The following PCDHA2 variants were observed in gnomAD, a reference collection of about 807,000 sequenced individuals.
PCDHA2 encodes protocadherin alpha-2.
PCDHA2 carries 58 observed loss-of-function variants against 66.0 expected under a neutral mutation model. The observed-to-expected ratio is 0.88, with a 90% CI of 0.71 to 1.09. The LOEUF (loss-of-function observed/expected upper bound fraction) is 1.09. PCDHA2 is among the 50% of genes least tolerant of loss of function. The pLI, the probability that PCDHA2 is intolerant of heterozygous loss-of-function variation, is 0.00. For missense variants in PCDHA2, 1,267 were observed against 1,242.3 expected, an observed-to-expected ratio of 1.02 and a Z score of -0.30; for synonymous variants, 634 against 554.0, an observed-to-expected ratio of 1.14 and a Z score of -2.03.
At chr5:140,884,471 G>A (rs2060197778) in intron 1 of PCDHA2, 1 of 1,613,802 alleles carries the variant, frequency 6.2e-7, no homozygotes, top group Non-Finnish European at 8.5e-7. Flanking sequence ...GTGCGCGCCG[G>A]GCAAGCCCAC....
chr5:140,933,276 G>T (rs1392004837), intron 1 of PCDHA2, among the ~76,000 whole-genome samples: 2 of 151,892 alleles, frequency 1.3e-5, no homozygotes, highest in Non-Finnish European at 2.9e-5. Context: ...TATTCATTTG[G>T]AACTTGTTTT....
In PCDHA2 at chr5:140,797,216, C is replaced by A. The variant is rs1554120342; in HGVS notation, c.2252C>A (p.Ser751Ter). The change falls in exon 1 of 4, where the codon TCG becomes TAG. Residue 751 changes from serine (S) to a stop codon, truncating the protein, a stop_gained. Coordinates refer to ENST00000526136, the MANE Select transcript of PCDHA2 (RefSeq NM_018905.3). LOFTEE classifies it high-confidence loss of function. ...CSSAVGSWSY[S>*]QQRRQRVCSG... The stretch of plus-strand genomic sequence containing the variant: ...AGCGCCGTGGGGAGCTGGTCTTACT[C>A]GCAGCAGAGGCGGCAGAGGGTGTGC... 6.2e-7 allele frequency: 1 copy of A among 1,614,202 alleles called. No individual in the cohort carries two copies. The highest frequency in any genetic ancestry group is 1.7e-5 in the Admixed American group (1 of 60,034).
At chr5:140,983,807 G>A (rs1158459034) in intron 3 of PCDHA2, among the ~76,000 whole-genome samples, 1 of 152,100 alleles carries the variant, frequency 6.6e-6, no homozygotes, top group African/African-American at 2.4e-5. Context: ...TGTGTAAAAG[G>A]TTTTTTCCCA....
intron 1 of PCDHA2, chr5:140,809,254 C>T (rs782355919): frequency 2.5e-6 from 4 of 1,613,946 alleles, no homozygotes; most frequent in South Asian, 2.2e-5. Flanking sequence ...CTGTGGGTCC[C>T]GATGCTGCGC....
At chr5:140,830,321 G>A (rs2150184954) in intron 1 of PCDHA2, 6 of 1,613,998 alleles carry the variant, frequency 3.7e-6, no homozygotes, top group Admixed American at 1.7e-5. Flanking sequence ...GTGCTCCAGC[G>A]CAGTGGGGAG....
chr5:140,836,089 G>A, intron 1 of PCDHA2: 1 of 1,613,682 alleles, frequency 6.2e-7, no homozygotes, highest in Non-Finnish European at 8.5e-7. Flanking sequence ...CTGGCGCCTC[G>A]GGTGGGTGGC....
intron 1 of PCDHA2, among the ~76,000 whole-genome samples, chr5:140,894,494 T>C (rs1412845995): frequency 6.6e-6 from 1 of 151,992 alleles, no homozygotes; most frequent in Non-Finnish European, 1.5e-5. Flanking sequence ...TAGTTTTCTT[T>C]AGGCATTATC....
intron 1 of PCDHA2, among the ~76,000 whole-genome samples, chr5:140,938,974 G>T (rs534312375): frequency 6.6e-6 from 1 of 152,230 alleles, no homozygotes; most frequent in Non-Finnish European, 1.5e-5. Context: ...TGGCATCAAG[G>T]CTATCCTGGC....
intron 1 of PCDHA2, among the ~76,000 whole-genome samples, chr5:140,941,621 G>A (rs552509224): frequency 6.6e-6 from 1 of 151,808 alleles, no homozygotes; most frequent in South Asian, 2.1e-4. Context: ...AGCCCATCCT[G>A]CTTCTTAATT....
chr5:140,988,201 A>C (rs2097286908), intron 3 of PCDHA2, among the ~76,000 whole-genome samples: 1 of 152,064 alleles, frequency 6.6e-6, no homozygotes, highest in Non-Finnish European at 1.5e-5. Context: ...GCATATCCTT[A>C]TTAGGAAAAA....
chr5:141,007,416 AAATT>A (rs2098327486), intron 3 of PCDHA2, among the ~76,000 whole-genome samples: 1 of 149,348 alleles, frequency 6.7e-6, no homozygotes, highest in Non-Finnish European at 1.5e-5. Context: ...AAAAAAAAAA[AAATT>A]AGCCAGGCAT....
At position 140,822,662 on chromosome 5, in the gene PCDHA2, C is replaced by T. The variant is rs2150118346; in HGVS notation, c.2388+25310C>T. 4.4e-6 allele frequency: 7 copies of T among 1,608,370 alleles called. No individual in the cohort carries two copies. In the African/African-American group the frequency reaches 5.4e-5, roughly 12 times the overall value. On this transcript the variant is annotated intron_variant, in intron 1 of 3. Transcript: ENST00000526136. The stretch of plus-strand genomic sequence containing the variant: ...GTAAAGTCCAAATTTATAATTAATT[C>T]TAATACTGGTGAAATAAAAGTTAAC...
chr5:140,955,986 C>A (rs2095245113), intron 1 of PCDHA2, among the ~76,000 whole-genome samples: 1 of 152,124 alleles, frequency 6.6e-6, no homozygotes, highest in Non-Finnish European at 1.5e-5. Flanking sequence ...GCAATTTTTG[C>A]ACATTGATTT....
rs782403008 is a variant in PCDHA2 at position 140,877,235 on chromosome 5, G to A, written c.2388+79883G>A. ...TTGGTACCGCGGTCGGTGGGTGCGGGCCACGTGGTGGCGAAAGTGCGCGCG... is the reference window on the plus strand; with the variant it reads ...TTGGTACCGCGGTCGGTGGGTGCGGACCACGTGGTGGCGAAAGTGCGCGCG... On this transcript the variant is annotated intron_variant, in intron 1 of 3. Transcript: ENST00000526136. 49 of 1,613,570 alleles carry A rather than the reference G, an allele frequency of 3.0e-5. No homozygotes were observed. In the South Asian group the frequency reaches 5.1e-4, roughly 17 times the overall value.
intron 3 of PCDHA2, among the ~76,000 whole-genome samples, chr5:140,984,079 G>A (rs1554245959): frequency 2.0e-5 from 3 of 152,244 alleles, no homozygotes; most frequent in Admixed American, 2.0e-4. Context: ...CAACGATGGA[G>A]TGAAGAAATG....
chr5:140,978,653 G>A (rs527551897), intron 1 of PCDHA2, among the ~76,000 whole-genome samples: 25 of 152,314 alleles, frequency 1.6e-4, no homozygotes, highest in African/African-American at 5.5e-4. Flanking sequence ...TGTTCTTCCC[G>A]TAGTGTTTTA....
chr5:140,938,793 A>G lies in PCDHA2; in HGVS notation c.2389-40156A>G, dbSNP rs543840345. 2.6e-5 allele frequency among the ~76,000 whole-genome samples: 4 copies of G among 152,268 alleles called. No individual in the cohort carries two copies. The East Asian group carries it at 7.7e-4, about 29-fold the overall frequency. On this transcript the variant is annotated intron_variant, in intron 1 of 3. Coordinates refer to ENST00000526136, the MANE Select transcript of PCDHA2 (RefSeq NM_018905.3). ...AGACTTAGTACCTGAATGATGAAAT[A>G]ATCGGTACCACAAACCCCTGTGACA...
rs1310874154 is a variant in PCDHA2 at position 140,805,167 on chromosome 5, A to G, written c.2388+7815A>G. 24 of 1,532,748 alleles carry G rather than the reference A, an allele frequency of 1.6e-5. No homozygotes were observed. In the Middle Eastern group the frequency reaches 5.1e-4, roughly 33 times the overall value. The allele number at this position is 1,532,748 out of a possible 1,614,324, so 94.9% of individuals were successfully genotyped here. ...TTTGGAATTTTCACTTCACAGATGT[A>G]CTGATGCTATGCCAAATAAATATTG... On this transcript the variant is annotated intron_variant, in intron 1 of 3. Coordinates refer to ENST00000526136, the MANE Select transcript of PCDHA2 (RefSeq NM_018905.3).
In PCDHA2 at chr5:141,010,024, T is replaced by A; in HGVS notation, c.*87T>A. 7.6e-6 allele frequency: 12 copies of A among 1,572,358 alleles called. No individual in the cohort carries two copies. Among genetic ancestry groups the A allele is most frequent in the Non-Finnish European group, 1.0e-5 (12 of 1,163,296 alleles). On this transcript the variant is annotated 3_prime_UTR_variant, in exon 4 of 4. Coordinates refer to ENST00000526136, the MANE Select transcript of PCDHA2 (RefSeq NM_018905.3). ...GTAGCAATTCCCTGCTCCTTTTTCC[T>A]ATCTACATGAGCCCTCTTAGAGACC...
Sources: gnomAD v4.1 joint callset for allele counts (sites outside exome capture counted in the v4.1 genomes callset) on GRCh38, gnomAD v4.1.1 for gene constraint, MANE v1.5 for transcripts, NCBI Gene and HGNC (gene_info 2026-07-23, HGNC 2026-07-21) for gene names.